UBTD1: variants seen among roughly 807,000 people sequenced by gnomAD.
UBTD1 encodes ubiquitin domain-containing protein 1.
Under a neutral mutation model 21.7 loss-of-function variants are expected in UBTD1, and 19 were observed. The ratio of observed to expected loss-of-function variants is 0.87; its 90% confidence interval spans 0.61 to 1.28. The LOEUF is 1.28. Ranked by LOEUF, UBTD1 falls within the 50% of genes most tolerant of loss-of-function variation. The probability of loss-of-function intolerance (pLI) is 0.00; values close to 1 mark genes in which losing one functional copy is unlikely to be tolerated. For missense variants in UBTD1, 282 were observed against 315.1 expected, an observed-to-expected ratio of 0.89 and a Z score of 0.80; for synonymous variants, 116 against 135.1, an observed-to-expected ratio of 0.86 and a Z score of 0.98.
chr10:97,544,384 G>C (rs2135676692), intron 1 of UBTD1, among the ~76,000 whole-genome samples: 1 of 152,188 alleles, frequency 6.6e-6, no homozygotes. Flanking sequence ...CCACTGAAGA[G>C]GCTGTGACTT....
intron 1 of UBTD1, among the ~76,000 whole-genome samples, chr10:97,511,817 C>T: frequency 6.6e-6 from 1 of 152,196 alleles, no homozygotes; most frequent in East Asian, 1.9e-4. Context: ...GTGGTAGGCA[C>T]ACCACAGTGA....
intron 1 of UBTD1, among the ~76,000 whole-genome samples, chr10:97,500,831 T>C (rs909646500): frequency 2.6e-5 from 4 of 152,192 alleles, no homozygotes; most frequent in African/African-American, 9.7e-5. Context: ...ACCCCTATGC[T>C]TAAACTTCAG....
intron 1 of UBTD1, among the ~76,000 whole-genome samples, chr10:97,540,265 G>C (rs1184880728): frequency 6.6e-6 from 1 of 152,214 alleles, no homozygotes; most frequent in Non-Finnish European, 1.5e-5. Context: ...AATAAGTGCT[G>C]GAAATGGAAT....
At chr10:97,543,420 T>C (rs1395466029) in intron 1 of UBTD1, among the ~76,000 whole-genome samples, 1 of 152,250 alleles carries the variant, frequency 6.6e-6, no homozygotes, top group Non-Finnish European at 1.5e-5. Flanking sequence ...GTTGTGGTCC[T>C]GAGCCATGCC....
At chr10:97,510,222 C>G (rs556814104) in intron 1 of UBTD1, among the ~76,000 whole-genome samples, 22 of 152,322 alleles carry the variant, frequency 1.4e-4, no homozygotes, top group African/African-American at 5.3e-4. Flanking sequence ...ACCTCAGCCT[C>G]CCAAAGTGTT....
In UBTD1 at chr10:97,501,634, T is replaced by C. The variant is rs568026112; in HGVS notation, c.70+2361T>C. On this transcript the variant is annotated intron_variant, in intron 1 of 2. Coordinates refer to ENST00000370664, the MANE Select transcript of UBTD1 (RefSeq NM_024954.5). ...ACAGCAACAACAACAACAAAACACC[T>C]TTCTGCATTTTCCCACTCCTACAAG... is the stretch of plus-strand genomic sequence containing the variant. Among the ~76,000 whole-genome samples the C allele has an allele frequency of 5.3e-5, 8 of 152,256 alleles. No homozygotes were observed. In the East Asian group the frequency reaches 1.5e-3, roughly 29 times the overall value.
At chr10:97,541,337 C>T (rs907298207) in intron 1 of UBTD1, among the ~76,000 whole-genome samples, 6 of 151,936 alleles carry the variant, frequency 3.9e-5, no homozygotes, top group South Asian at 4.2e-4. Context: ...ATTGTCCAGG[C>T]GTGGTGGTAT....
chr10:97,513,507 T>G (rs533804824), intron 1 of UBTD1, among the ~76,000 whole-genome samples: 1 of 152,084 alleles, frequency 6.6e-6, no homozygotes, highest in East Asian at 1.9e-4. Flanking sequence ...AGGACAGATA[T>G]TGGAAGTAAG....
intron 1 of UBTD1, among the ~76,000 whole-genome samples, chr10:97,545,354 ACCTACT>A (rs917943926): frequency 2.2e-5 from 3 of 138,128 alleles, no homozygotes; most frequent in African/African-American, 7.8e-5. Flanking sequence ...AAAAAAAAAG[ACCTACT>A]TTCTATTCTC....
chr10:97,506,548 GT>G (rs2040400503), intron 1 of UBTD1, among the ~76,000 whole-genome samples: 1 of 151,768 alleles, frequency 6.6e-6, no homozygotes, highest in East Asian at 1.9e-4. Context: ...TCAGTCTATA[GT>G]TTTGTAGCAT....
At chr10:97,534,420 T>A (rs1276688191) in intron 1 of UBTD1, among the ~76,000 whole-genome samples, 1 of 152,156 alleles carries the variant, frequency 6.6e-6, no homozygotes, top group African/African-American at 2.4e-5. Context: ...AGTCTTTCCT[T>A]CGAGGTACCT....
intron 1 of UBTD1, among the ~76,000 whole-genome samples, chr10:97,533,995 C>G (rs2040547025): frequency 6.6e-6 from 1 of 152,162 alleles, no homozygotes; most frequent in Non-Finnish European, 1.5e-5. Context: ...TGGGCCACAG[C>G]CCATCTGCCC....
At chr10:97,551,907 C>T (rs2040639185) in intron 1 of UBTD1, among the ~76,000 whole-genome samples, 1 of 152,130 alleles carries the variant, frequency 6.6e-6, no homozygotes, top group South Asian at 2.1e-4. Flanking sequence ...ATAAATTCTT[C>T]CAGCCTTTTT....
intron 1 of UBTD1, among the ~76,000 whole-genome samples, chr10:97,564,560 C>CTTA (rs983119011): frequency 3.9e-5 from 6 of 152,088 alleles, no homozygotes; most frequent in African/African-American, 1.4e-4. Flanking sequence ...TCCACAACTC[C>CTTA]TTATTATTAT....
intron 1 of UBTD1, among the ~76,000 whole-genome samples, chr10:97,518,195 G>T (rs1195947177): frequency 6.6e-6 from 1 of 152,184 alleles, no homozygotes; most frequent in African/African-American, 2.4e-5. Context: ...TGGAATACTG[G>T]GTGCATCTTG....
chr10:97,523,266 G>A (rs2040474130), intron 1 of UBTD1, among the ~76,000 whole-genome samples: 1 of 152,170 alleles, frequency 6.6e-6, no homozygotes, highest in African/African-American at 2.4e-5. Flanking sequence ...CTGAAGGTGG[G>A]AATTTCATGA....
At chr10:97,499,565 G>A (rs1269461345) in intron 1 of UBTD1, among the ~76,000 whole-genome samples, 3 of 152,188 alleles carry the variant, frequency 2.0e-5, no homozygotes. Flanking sequence ...CGACGGATCG[G>A]GAGGAGGCCG....
intron 1 of UBTD1, among the ~76,000 whole-genome samples, chr10:97,502,917 A>AT (rs1366401417): frequency 4.5e-5 from 6 of 132,260 alleles, no homozygotes; most frequent in Admixed American, 2.3e-4. Context: ...ATGTATATAT[A>AT]TATTTTTTTT....
At position 97,570,624 on chromosome 10, in the gene UBTD1, C is replaced by T. The variant is rs896343664; in HGVS notation, c.*101C>T. On this transcript the variant is annotated 3_prime_UTR_variant, in exon 3 of 3. Transcript: ENST00000370664. The surrounding 1 kb of genome is among the most constrained non-coding windows in gnomAD (Gnocchi z 6.6). Reference sequence around the variant, plus strand: ...TCATTTTCTTCAGGGGCCCTCCCCTCGGTGTGGCTGGTGGGTGAGCCGTGA... The same window carrying T: ...TCATTTTCTTCAGGGGCCCTCCCCTTGGTGTGGCTGGTGGGTGAGCCGTGA... 5.0e-5 allele frequency: 71 copies of T among 1,415,860 alleles called. 1 individual carries two copies. Among genetic ancestry groups the T allele is most frequent in the East Asian group, 3.9e-4 (17 of 43,054 alleles). 87.7% of individuals were successfully genotyped at this position (1,415,860 alleles called of 1,614,324 possible).
Sources: allele counts gnomAD v4.1 joint callset (sites outside exome capture counted in the v4.1 genomes callset), GRCh38; gene constraint gnomAD v4.1.1; non-coding constraint Gnocchi (gnomAD v3.1); transcripts MANE v1.5; gene names NCBI Gene and HGNC (gene_info 2026-07-23, HGNC 2026-07-21).